Variants in DPP6 observed in about 807,000 individuals in gnomAD.
The protein encoded by DPP6 is dipeptidyl peptidase like 6.
In DPP6, 69 loss-of-function variants were observed where a neutral mutation model predicts 122.6. That is an observed-to-expected ratio of 0.56 (90% CI 0.46 to 0.69). The LOEUF is 0.69. Among genes scored for constraint, DPP6 ranks in the 30% least tolerant of loss-of-function variants. The pLI is 0.00. For synonymous variants in DPP6, 418 were observed against 433.1 expected (o/e 0.97, Z 0.43); for missense variants, 928 against 1,116.9 (o/e 0.83, Z 2.41).
chr7:153,814,861 A>G, the DPP6 span, among the ~76,000 whole-genome samples: 2 of 151,702 alleles, frequency 1.3e-5, no homozygotes, highest in Non-Finnish European at 3.0e-5. Flanking sequence ...CAGAAACCAC[A>G]TGATTATCTC....
chr7:153,937,275 A>G (rs1801492586), intron 1 of DPP6, among the ~76,000 whole-genome samples: 1 of 152,136 alleles, frequency 6.6e-6, no homozygotes, highest in African/African-American at 2.4e-5. Context: ...ACGCTGGCTG[A>G]TGGCTGTCGC....
At chr7:154,011,038 GT>G in intron 1 of DPP6, among the ~76,000 whole-genome samples, 1 of 152,318 alleles carries the variant, frequency 6.6e-6, no homozygotes, top group African/African-American at 2.4e-5. Context: ...CATTGAGAAT[GT>G]TGTTGAGTGC....
intron 1 of DPP6, among the ~76,000 whole-genome samples, chr7:153,917,795 A>T (rs540528491): frequency 6.6e-6 from 1 of 152,272 alleles, no homozygotes; most frequent in Admixed American, 6.5e-5. Flanking sequence ...CATTATTTCA[A>T]ATTGCATCAG....
At chr7:154,223,201 C>T (rs1800405310) in intron 1 of DPP6, among the ~76,000 whole-genome samples, 1 of 149,194 alleles carries the variant, frequency 6.7e-6, no homozygotes, top group Admixed American at 6.6e-5. Context: ...AGAAGCAAAA[C>T]ATTGCAGACC....
At chr7:153,892,263 C>T (rs553879311) in intron 1 of DPP6, among the ~76,000 whole-genome samples, 1 of 152,124 alleles carries the variant, frequency 6.6e-6, no homozygotes, top group East Asian at 1.9e-4. Context: ...AGCAGAGGCT[C>T]GTTGAGGTTT....
chr7:154,659,366 C>G (rs1194075527), intron 6 of DPP6, among the ~76,000 whole-genome samples: 1 of 152,148 alleles, frequency 6.6e-6, no homozygotes, highest in Non-Finnish European at 1.5e-5. Flanking sequence ...ACCATTGATC[C>G]TTCCTAATTA....
rs190249181 is a variant in DPP6 at position 154,222,684 on chromosome 7, T to A, written c.243+169621T>A. On this transcript the variant is annotated intron_variant, in intron 1 of 25. Transcript: ENST00000377770. ...AATAAATAAAATAAAATAAAATAAA[T>A]TAAATAATCTGCTTTGCAACAGACA... Among the ~76,000 whole-genome samples, 141 of 149,082 alleles carry A rather than the reference T, an allele frequency of 9.5e-4. 9 individuals are homozygous for A. The highest frequency in any genetic ancestry group is 2.4e-3 in the African/African-American group (94 of 39,106).
chr7:153,789,801 A>G, the DPP6 span, among the ~76,000 whole-genome samples: 4 of 152,180 alleles, frequency 2.6e-5, no homozygotes, highest in Non-Finnish European at 5.9e-5. Flanking sequence ...GGAATGAGGT[A>G]GTGGCAACTA....
At chr7:154,835,562 G>A (rs1389872352) in intron 16 of DPP6, among the ~76,000 whole-genome samples, 1 of 151,884 alleles carries the variant, frequency 6.6e-6, no homozygotes, top group African/African-American at 2.4e-5. Context: ...TCACTACCTT[G>A]GAGCAGTGGA....
At chr7:154,240,602 A>T (rs1020435843) in intron 1 of DPP6, among the ~76,000 whole-genome samples, 1 of 152,198 alleles carries the variant, frequency 6.6e-6, no homozygotes, top group Non-Finnish European at 1.5e-5. Context: ...AGATGTTGGA[A>T]TCCTGCATCC....
At chr7:154,317,836 T>TA (rs1428437251) in intron 1 of DPP6, among the ~76,000 whole-genome samples, 1 of 152,190 alleles carries the variant, frequency 6.6e-6, no homozygotes. Context: ...AAATTATACT[T>TA]AAAGGAACAG....
At chr7:154,851,864 C>T (rs1048682174) in intron 16 of DPP6, among the ~76,000 whole-genome samples, 2 of 152,130 alleles carry the variant, frequency 1.3e-5, no homozygotes, top group Admixed American at 6.5e-5. Flanking sequence ...AGGGGCACCA[C>T]GTTGGGGAAA....
chr7:153,924,269 C>G (rs1457167110), intron 1 of DPP6, among the ~76,000 whole-genome samples: 1 of 152,038 alleles, frequency 6.6e-6, no homozygotes. Context: ...TCACCACGCT[C>G]AACTAATTTT....
chr7:154,110,152 G>A (rs1211152132), intron 1 of DPP6, among the ~76,000 whole-genome samples: 4 of 152,064 alleles, frequency 2.6e-5, no homozygotes, highest in Admixed American at 2.6e-4. Flanking sequence ...CTACCAATGG[G>A]TGGGGAGTTT....
chr7:153,948,726 A>T (rs937671874), intron 1 of DPP6, among the ~76,000 whole-genome samples: 2 of 150,292 alleles, frequency 1.3e-5, no homozygotes, highest in Non-Finnish European at 3.0e-5. Context: ...GTCCTCTATA[A>T]TATAGACTAC....
At chr7:154,263,740 T>G (rs1803185546) in intron 1 of DPP6, among the ~76,000 whole-genome samples, 1 of 152,140 alleles carries the variant, frequency 6.6e-6, no homozygotes. Flanking sequence ...CAGGCTGGAG[T>G]GCAATGGCAC....
intron 1 of DPP6, among the ~76,000 whole-genome samples, chr7:154,065,702 C>T (rs1286578265): frequency 1.3e-5 from 2 of 152,218 alleles, no homozygotes; most frequent in Non-Finnish European, 2.9e-5. Flanking sequence ...CTGCCTGTCA[C>T]CCAGCCCCTA....
At position 154,604,706 on chromosome 7, in the gene DPP6, A is replaced by G. The variant is rs1275414247; in HGVS notation, c.628-33115A>G. Among the ~76,000 whole-genome samples, 2 of 121,382 alleles carry G rather than the reference A, an allele frequency of 1.6e-5. 1 individual carries two copies. Among genetic ancestry groups the G allele is most frequent in the Admixed American group, 1.8e-4 (2 of 10,852 alleles). The allele number at this position is 121,382 out of a possible 152,430, so 79.6% of individuals were successfully genotyped here. On this transcript the variant is annotated intron_variant, in intron 5 of 25. Transcript: ENST00000377770. Reference sequence around the variant, plus strand: ...CACACACTTTGCATTGAGTGTTACCAGTGAAAGGAAATGCTAAAGACTCAT... The same window carrying G: ...CACACACTTTGCATTGAGTGTTACCGGTGAAAGGAAATGCTAAAGACTCAT...
At chr7:154,788,953 C>T (rs920998335) in intron 10 of DPP6, among the ~76,000 whole-genome samples, 3 of 151,778 alleles carry the variant, frequency 2.0e-5, no homozygotes, top group Non-Finnish European at 4.4e-5. Flanking sequence ...CTTGCAGCCC[C>T]CTCATCTCCC....
Sources: gnomAD v4.1 joint callset for allele counts (sites outside exome capture counted in the v4.1 genomes callset) on GRCh38, gnomAD v4.1.1 for gene constraint, MANE v1.5 for transcripts, NCBI Gene and HGNC (gene_info 2026-07-23, HGNC 2026-07-21) for gene names.